FKBP5: variants seen among roughly 807,000 people sequenced by gnomAD.
FKBP5 encodes FKBP prolyl isomerase 5.
A neutral mutation model predicts 50.5 loss-of-function variants in FKBP5; 23 were observed. The observed-to-expected ratio is 0.46, with a 90% CI of 0.33 to 0.65. The LOEUF (loss-of-function observed/expected upper bound fraction) is 0.65. FKBP5 is among the 30% of genes least tolerant of loss of function. FKBP5 has a pLI of 0.02. For synonymous variants in FKBP5, 176 were observed against 190.6 expected (o/e 0.92, Z 0.63); for missense variants, 411 against 553.1 (o/e 0.74, Z 2.58).
intron 2 of FKBP5, among the ~76,000 whole-genome samples, chr6:35,707,525 A>T (rs1766341908): frequency 6.6e-6 from 1 of 151,914 alleles, no homozygotes; most frequent in African/African-American, 2.4e-5. Flanking sequence ...CCGGCCATGA[A>T]AAGACTTTTG....
intron 10 of FKBP5, among the ~76,000 whole-genome samples, chr6:35,576,598 A>G (rs1274855668): frequency 6.9e-6 from 1 of 145,946 alleles, no homozygotes; most frequent in Non-Finnish European, 1.5e-5. Context: ...GATCCAGAGA[A>G]GTCAAGGCTG....
chr6:35,648,588 T>C (rs963292883), intron 1 of FKBP5, among the ~76,000 whole-genome samples: 4 of 152,144 alleles, frequency 2.6e-5, no homozygotes, highest in African/African-American at 9.7e-5. Context: ...CCTGATGGAA[T>C]TTTTACAACA....
intron 5 of FKBP5, among the ~76,000 whole-genome samples, chr6:35,615,787 T>TGTCAAACCACAACTACAGAACTTAA (rs1763635142): frequency 6.6e-6 from 1 of 152,180 alleles, no homozygotes; most frequent in African/African-American, 2.4e-5. Context: ...TAATACTTTT[T>TGTCAAACCACAACTACAGAACTTAA]AATTACAAAG....
chr6:35,576,968 C>T (rs369801947), intron 10 of FKBP5, 26 bp downstream of exon 10: 132 of 1,611,122 alleles, frequency 8.2e-5, no homozygotes, highest in Non-Finnish European at 1.0e-4. Context: ...CTTGATCCAC[C>T]TGCAGTCATC....
chr6:35,607,023 C>A (rs1298950260), intron 5 of FKBP5, among the ~76,000 whole-genome samples: 1 of 152,182 alleles, frequency 6.6e-6, no homozygotes, highest in Non-Finnish European at 1.5e-5. Flanking sequence ...TGACTACAAC[C>A]TCCACCTCCC....
rs544517879 is a variant in FKBP5, at chr6:35,717,458, T to G, written c.-20+2870A>C. On this transcript the variant is annotated intron_variant, in intron 2 of 11. Coordinates refer to the FKBP5 transcript ENST00000536438. ...GGGGCTACATGCCCATGTATGCATC[T>G]GTGTGTATGCACGCATGTGTCCACA... Among the ~76,000 whole-genome samples the G allele has an allele frequency of 9.3e-4, 142 of 152,382 alleles. 1 individual carries two copies. The highest frequency in any genetic ancestry group is 3.3e-3 in the African/African-American group (137 of 41,592).
intron 5 of FKBP5, among the ~76,000 whole-genome samples, chr6:35,617,878 C>T (rs1763709160): frequency 1.3e-5 from 2 of 152,172 alleles, no homozygotes; most frequent in South Asian, 2.1e-4. Flanking sequence ...CTCAGAGCTG[C>T]CCCTACTCCC....
chr6:35,578,178 ATGTAAAAT>A lies in FKBP5; in HGVS notation c.1027-953_1027-946del, dbSNP rs535699444. On this transcript the variant is annotated intron_variant, in intron 9 of 10. Transcript: ENST00000357266. ...TTTCAATTATTTTTTATTTTAAAAT[ATGTAAAAT>A]ATAATCATTATTTTTTTGAGGCAGG... is the stretch of plus-strand genomic sequence containing the variant. Among the ~76,000 whole-genome samples, 566 of 152,014 alleles carry A rather than the reference ATGTAAAAT, an allele frequency of 3.7e-3. 2 individuals are homozygous for A. Among genetic ancestry groups the A allele is most frequent in the African/African-American group, 0.011 (438 of 41,480 alleles).
chr6:35,612,451 A>T (rs1763519612), intron 5 of FKBP5, among the ~76,000 whole-genome samples: 1 of 152,188 alleles, frequency 6.6e-6, no homozygotes, highest in African/African-American at 2.4e-5. Context: ...AGGAAGCAAA[A>T]CAAATTAGTG....
chr6:35,622,968 C>A (rs188854326), intron 3 of FKBP5, among the ~76,000 whole-genome samples: 3 of 152,174 alleles, frequency 2.0e-5, no homozygotes, highest in African/African-American at 4.8e-5. Flanking sequence ...TAAGGCCGGG[C>A]GTGGTGGCTC....
At chr6:35,596,403 C>G (rs1762984219) in intron 6 of FKBP5, among the ~76,000 whole-genome samples, 1 of 152,042 alleles carries the variant, frequency 6.6e-6, no homozygotes, top group Admixed American at 6.6e-5. Context: ...CAAAGGTAAA[C>G]TGCCATTGGA....
intron 1 of FKBP5, among the ~76,000 whole-genome samples, chr6:35,682,654 AG>A (rs1468190270): frequency 6.6e-6 from 1 of 152,178 alleles, no homozygotes; most frequent in Non-Finnish European, 1.5e-5. Context: ...CAACTACAAA[AG>A]GGAAAAAACA....
At chr6:35,631,862 A>G (rs1764167946) in intron 3 of FKBP5, among the ~76,000 whole-genome samples, 3 of 151,234 alleles carry the variant, frequency 2.0e-5, no homozygotes, top group Non-Finnish European at 4.4e-5. Context: ...GGCTGAGGCA[A>G]GAGAATCGCT....
chr6:35,636,496 C>T (rs1764312695), intron 3 of FKBP5, among the ~76,000 whole-genome samples: 1 of 152,124 alleles, frequency 6.6e-6, no homozygotes, highest in African/African-American at 2.4e-5. Context: ...CTTGAGACAA[C>T]CATCATACTT....
rs143532042 is a variant in FKBP5, at chr6:35,653,206, T to A, written c.-19-10363A>T. Among the ~76,000 whole-genome samples, 647 of 152,120 alleles carry A rather than the reference T, an allele frequency of 4.3e-3. 3 individuals are homozygous for A. The highest frequency in any genetic ancestry group is 0.014 in the African/African-American group (579 of 41,488). On this transcript the variant is annotated intron_variant, in intron 1 of 10. Transcript: ENST00000357266. ...CTCATCTTCACAAAAATTTAAAAAT[T>A]AGCTGGGTATTGGGGCATGTGCCTG...
intron 1 of FKBP5, among the ~76,000 whole-genome samples, chr6:35,724,520 G>A (rs1337467980): frequency 1.3e-5 from 2 of 152,210 alleles, no homozygotes; most frequent in Non-Finnish European, 2.9e-5. Flanking sequence ...AGACTCTGAG[G>A]CTTGAGAAAT....
intron 2 of FKBP5, among the ~76,000 whole-genome samples, chr6:35,702,824 C>T (rs1766214713): frequency 1.3e-5 from 2 of 151,980 alleles, no homozygotes; most frequent in African/African-American, 2.4e-5. Flanking sequence ...CATGCAAAAC[C>T]AAAAGCTCTA....
intron 8 of FKBP5, chr6:35,582,359 T>C (rs1012896225): frequency 5.5e-6 from 5 of 909,688 alleles, no homozygotes; most frequent in Non-Finnish European, 6.6e-6. Flanking sequence ...ACCCCGAATG[T>C]GATATTTGCA....
intron 1 of FKBP5, among the ~76,000 whole-genome samples, chr6:35,727,931 G>A (rs902069248): frequency 5.3e-5 from 8 of 152,184 alleles, no homozygotes; most frequent in African/African-American, 1.9e-4. Context: ...CTCCAAGGCC[G>A]GTGAGTGGGC....
Sources: gnomAD v4.1 joint callset for allele counts (sites outside exome capture counted in the v4.1 genomes callset) on GRCh38, gnomAD v4.1.1 for gene constraint, MANE v1.5 for transcripts, NCBI Gene and HGNC (gene_info 2026-07-23, HGNC 2026-07-21) for gene names.